TARBP2: variants seen among roughly 807,000 people sequenced by gnomAD.
TARBP2 encodes the protein RISC-loading complex subunit TARBP2.
In TARBP2, 23 loss-of-function variants were observed where a neutral mutation model predicts 40.4. That is an observed-to-expected ratio of 0.57 (90% CI 0.41 to 0.81). TARBP2 has a LOEUF of 0.81. Ranked by LOEUF, TARBP2 falls within the 30% of genes least tolerant of loss-of-function variation. The probability of loss-of-function intolerance (pLI) is 0.00; values close to 1 mark genes in which losing one functional copy is unlikely to be tolerated. For synonymous variants in TARBP2, 183 were observed against 190.5 expected (o/e 0.96, Z 0.32); for missense variants, 358 against 473.7 (o/e 0.76, Z 2.27).
chr12:53,502,469 G>A (rs1943758728), intron 2 of TARBP2: 18 of 425,702 alleles, frequency 4.2e-5, no homozygotes, highest in Non-Finnish European at 3.0e-5. Context: ...TGGAGTATTT[G>A]GGGGAGTGAG....
At chr12:53,501,158 C>T (rs2137253291), upstream of TARBP2, 4 of 552,834 alleles carry the variant, frequency 7.2e-6, no homozygotes, top group South Asian at 8.9e-5. Context: ...CGGCGGAGGG[C>T]CCGCTCCTCC....
In TARBP2 at chr12:53,505,873, C is replaced by A. The variant is rs1195477516; in HGVS notation, c.943+23C>A. The A allele has an allele frequency of 1.9e-6, 3 of 1,610,316 alleles. No homozygotes were observed. The highest frequency in any genetic ancestry group is 2.7e-5 in the African/African-American group (2 of 74,810). ...TTGGTATGGCTAGCTGGGGAGCGAG[C>A]CAGGGGATGGTGGGGGCTGGACCGG... is the stretch of plus-strand genomic sequence containing the variant. On this transcript the variant is annotated intron_variant, in intron 8 of 8. Transcript: ENST00000266987. The surrounding 1 kb of genome is among the most constrained non-coding windows in gnomAD (Gnocchi z 4.5).
In TARBP2 at chr12:53,505,345, CA is replaced by C; in HGVS notation, c.741+84del. 1 of 1,507,190 alleles carries C rather than the reference CA, an allele frequency of 6.6e-7. No homozygotes were observed. The highest frequency in any genetic ancestry group is 8.9e-7 in the Non-Finnish European group (1 of 1,125,162). The allele number at this position is 1,507,190 out of a possible 1,614,324, so 93.4% of individuals were successfully genotyped here. A position where few individuals can be genotyped will look rare whatever the true frequency, so the allele number is the denominator to read the frequency against. ...CCAGGGACTTGGGTCTGTGACTCAG[CA>C]GTGAGCCTCTCTGGGCCCTAGGTCT... On this transcript the variant is annotated intron_variant, in intron 7 of 8. Coordinates refer to ENST00000266987, the MANE Select transcript of TARBP2 (RefSeq NM_134323.2). The surrounding 1 kb of genome is among the most constrained non-coding windows in gnomAD (Gnocchi z 4.5).
Position 53,501,755 on chromosome 12 carries a change from T to A in TARBP2, c.54-260T>A. The A allele has an allele frequency of 2.1e-6, 3 of 1,411,874 alleles. No individual in the cohort carries two copies. In the South Asian group the frequency reaches 4.6e-5, roughly 22 times the overall value. The allele number at this position is 1,411,874 out of a possible 1,614,324, so 87.5% of individuals were successfully genotyped here. A position where few individuals can be genotyped will look rare whatever the true frequency, so the allele number is the denominator to read the frequency against. On this transcript the variant is annotated intron_variant, in intron 1 of 8. Coordinates refer to ENST00000266987, the MANE Select transcript of TARBP2 (RefSeq NM_134323.2). ...TGCACTGTGTCAGGGGGTATGCACT[T>A]TCAACCTGCATTGGGGCACAGGATC... is the stretch of plus-strand genomic sequence containing the variant.
chr12:53,501,898 T>A, intron 1 of TARBP2, 117 bp from the exon 2 acceptor site: 1 of 1,469,534 alleles, frequency 6.8e-7, no homozygotes, highest in East Asian at 2.3e-5. Flanking sequence ...TGCTAGACTG[T>A]CTGGGGTTCC....
intron 2 of TARBP2, chr12:53,502,525 G>A: frequency 3.3e-6 from 1 of 302,808 alleles, no homozygotes; most frequent in Non-Finnish European, 6.3e-6. Context: ...CCAAATTCCC[G>A]TTTAATTTTA....
intron 6 of TARBP2, 44 bp downstream of exon 6, chr12:53,504,859 A>C (rs774469068): frequency 6.2e-6 from 10 of 1,602,276 alleles, no homozygotes; most frequent in Non-Finnish European, 8.5e-6. Flanking sequence ...CTCCCGCAGC[A>C]CTCTGGCCCC....
rs751609407 is a variant in TARBP2 at position 53,503,820 on chromosome 12, C to T, written c.422+12C>T. ...GTAGTCCTAACCAGGTATCTGTGTCCCCTGACTGCCTGAGGTGGGTGGAGG... is the reference window on the plus strand; with the variant it reads ...GTAGTCCTAACCAGGTATCTGTGTCTCCTGACTGCCTGAGGTGGGTGGAGG... On this transcript the variant is annotated intron_variant, in intron 4 of 8. Coordinates refer to ENST00000266987, the MANE Select transcript of TARBP2 (RefSeq NM_134323.2). 1 of 1,609,476 alleles carries T rather than the reference C, an allele frequency of 6.2e-7. No individual in the cohort carries two copies.
Position 53,504,694 on chromosome 12 carries a change from C to T in TARBP2, c.496-4C>T. The T allele has an allele frequency of 1.9e-6, 3 of 1,614,160 alleles. No homozygotes were observed. The highest frequency in any genetic ancestry group is 2.5e-6 in the Non-Finnish European group (3 of 1,180,024). ...CCTCATGCACCCTGTGTCTCCCTTCCAAGGAGCTGGTGGTGCAGAAAGGCT... is the reference window on the plus strand; with the variant it reads ...CCTCATGCACCCTGTGTCTCCCTTCTAAGGAGCTGGTGGTGCAGAAAGGCT... On this transcript the variant is annotated splice_region_variant and splice_polypyrimidine_tract_variant and intron_variant, in intron 5 of 8. Transcript: ENST00000266987.
At chr12:53,504,519 G>A (rs1423109202) in intron 5 of TARBP2, 50 bp downstream of exon 5, 1 of 1,604,360 alleles carries the variant, frequency 6.2e-7, no homozygotes. Context: ...CTTGAGCCAG[G>A]GGCCATGAGG....
intron 3 of TARBP2, 105 bp downstream of exon 3, chr12:53,503,234 C>A (rs1943799023): frequency 1.4e-6 from 2 of 1,429,468 alleles, no homozygotes; most frequent in African/African-American, 2.9e-5. Flanking sequence ...CCACCCTGAC[C>A]TGGCCTCTTC....
intron 6 of TARBP2, 96 bp downstream of exon 6, chr12:53,504,911 G>A: frequency 2.0e-6 from 3 of 1,488,696 alleles, no homozygotes; most frequent in Non-Finnish European, 1.8e-6. Flanking sequence ...TACACCCCCT[G>A]CTCTCTTAGC....
At chr12:53,504,651 A>G (rs1943885420) in intron 5 of TARBP2, 47 bp from the exon 6 acceptor site, 1 of 1,613,998 alleles carries the variant, frequency 6.2e-7, no homozygotes. Context: ...TGGGTGTGAG[A>G]AGCCTTTTTT....
At chr12:53,502,847 G>A in intron 2 of TARBP2, 180 bp from the exon 3 acceptor site, 2 of 545,724 alleles carry the variant, frequency 3.7e-6, no homozygotes, top group South Asian at 4.0e-5. Context: ...GGAAGCTAAC[G>A]GAAAGATAAG....
chr12:53,501,282 C>T, upstream of TARBP2: 1 of 1,011,654 alleles, frequency 9.9e-7, no homozygotes, highest in Non-Finnish European at 1.5e-6. Context: ...CTCCATATCC[C>T]AGCGTGCCCC....
chr12:53,501,467 C>A lies in TARBP2; in HGVS notation c.53+6C>A. 1 of 1,563,414 alleles carries A rather than the reference C, an allele frequency of 6.4e-7. No homozygotes were observed. The highest frequency in any genetic ancestry group is 1.9e-5 in the Admixed American group (1 of 52,460). Reference sequence around the variant, plus strand: ...ACGGGCTGCGGGCTGCCTAGGTGAGCCGTCTCGTACCGATTCCTTCAGGGC... The same window carrying A: ...ACGGGCTGCGGGCTGCCTAGGTGAGACGTCTCGTACCGATTCCTTCAGGGC... On this transcript the variant is annotated splice_donor_region_variant and intron_variant, in intron 1 of 8. Coordinates refer to ENST00000266987, the MANE Select transcript of TARBP2 (RefSeq NM_134323.2).
chr12:53,504,276 C>A, intron 4 of TARBP2, 121 bp from the exon 5 acceptor site: 1 of 940,594 alleles, frequency 1.1e-6, no homozygotes, highest in East Asian at 2.7e-5. Flanking sequence ...AGACAGCTCC[C>A]CACCCGGTGG....
Position 53,503,996 on chromosome 12 carries a change from A to AT in TARBP2, c.422+192dup, listed in dbSNP as rs1032716268. 1.8e-5 allele frequency: 11 copies of AT among 607,552 alleles called. No individual in the cohort carries two copies. The African/African-American group carries it at 1.9e-4, about 10-fold the overall frequency. 37.6% of individuals were successfully genotyped at this position (607,552 alleles called of 1,614,324 possible). On this transcript the variant is annotated intron_variant, in intron 4 of 8. Coordinates refer to ENST00000266987, the MANE Select transcript of TARBP2 (RefSeq NM_134323.2). ...CTCTTGGGACAAGAGGTCATTTGTG[A>AT]TTTTCAGACAGCCTTATGAATGATG...
chr12:53,503,059 A>G lies in TARBP2; in HGVS notation c.256A>G (p.Lys86Glu). The change falls in exon 3 of 9, where the codon AAG becomes GAG. Residue 86 changes from lysine to glutamate, a missense_variant. By Grantham distance (56) the Lys-to-Glu change is moderately conservative. Transcript: ENST00000266987. ...QGPSKKAAKH[K>E]AAEVALKHLK... is the part of the protein sequence containing the mutation. The stretch of plus-strand genomic sequence containing the variant: ...CCCCAGCAAGAAGGCAGCCAAGCAC[A>G]AGGCAGCTGAGGTGGCCCTCAAACA... The G allele has an allele frequency of 6.4e-7, 1 of 1,550,970 alleles. No homozygotes were observed.
Sources: allele counts gnomAD v4.1 joint callset, GRCh38; gene constraint gnomAD v4.1.1; non-coding constraint Gnocchi (gnomAD v3.1); transcripts MANE v1.5; gene names NCBI Gene and HGNC (gene_info 2026-07-23, HGNC 2026-07-21).